The following DERA variants were observed in gnomAD, a reference collection of about 807,000 sequenced individuals.
The protein encoded by DERA is 2-deoxy-D-ribose 5-phosphate aldolase.
A neutral mutation model predicts 41.1 loss-of-function variants in DERA; 15 were observed. The ratio of observed to expected loss-of-function variants is 0.37; its 90% CI spans 0.24 to 0.56. The LOEUF (loss-of-function observed/expected upper bound fraction) is 0.56. Among genes scored for constraint, DERA ranks in the 20% least tolerant of loss-of-function variants. DERA has a pLI of 0.81. For synonymous variants in DERA, 139 were observed against 137.4 expected, an observed-to-expected ratio of 1.01 and a Z score of -0.08; for missense variants, 396 against 403.4, an observed-to-expected ratio of 0.98 and a Z score of 0.16.
In DERA at chr12:15,990,302, A is replaced by T. The variant is rs1472820386; in HGVS notation, c.637+7866A>T. ...ATTGTTCAATGAATCTTATATTTGA[A>T]CTTACTTTGCTAACACTTGCCTCTG... On this transcript the variant is annotated intron_variant, in intron 6 of 8. Coordinates refer to ENST00000428559, the MANE Select transcript of DERA (RefSeq NM_015954.4). This position sits in a 1 kb window ranked among gnomAD's most constrained non-coding sequence, Gnocchi z 4.3. Among the ~76,000 whole-genome samples, 2 of 152,204 alleles carry T rather than the reference A, an allele frequency of 1.3e-5. No individual in the cohort carries two copies. The highest frequency in any genetic ancestry group is 3.9e-4 in the East Asian group (2 of 5,188).
At chr12:15,947,466 C>T (rs1038581983) in intron 1 of DERA, among the ~76,000 whole-genome samples, 6 of 152,150 alleles carry the variant, frequency 3.9e-5, no homozygotes, top group African/African-American at 1.4e-4. Flanking sequence ...ATCTAATGGC[C>T]TTCTTTGTCT....
In DERA at chr12:15,996,281, C is replaced by T. The variant is rs375178666; in HGVS notation, c.637+13845C>T. Among the ~76,000 whole-genome samples the T allele has an allele frequency of 2.0e-5, 3 of 151,976 alleles. No individual in the cohort carries two copies. Among genetic ancestry groups the T allele is most frequent in the Non-Finnish European group, 2.9e-5 (2 of 67,952 alleles). ...GAGGAGTGTATTAGTTTCTTGGGCT[C>T]GCTGTAACAGAGTACCGCAAATTAG... On this transcript the variant is annotated intron_variant, in intron 6 of 8. Transcript: ENST00000428559. The surrounding 1 kb of genome is among the most constrained non-coding windows in gnomAD (Gnocchi z 4.7).
At chr12:15,926,889 C>T (rs937893403) in intron 1 of DERA, among the ~76,000 whole-genome samples, 2 of 152,080 alleles carry the variant, frequency 1.3e-5, no homozygotes, top group Non-Finnish European at 2.9e-5. Flanking sequence ...TTATATGTAA[C>T]GAATTAACTC....
Position 15,992,037 on chromosome 12 carries a change from A to G in DERA, c.637+9601A>G, listed in dbSNP as rs1432520154. On this transcript the variant is annotated intron_variant, in intron 6 of 8. Coordinates refer to ENST00000428559, the MANE Select transcript of DERA (RefSeq NM_015954.4). This position sits in a 1 kb window ranked among gnomAD's most constrained non-coding sequence, Gnocchi z 4.3. ...TGCAAATACCAGTAGCATTTGTAAC[A>G]TAGTATCAGCATCAACTGTTTTACC... Among the ~76,000 whole-genome samples, 1 of 151,840 alleles carries G rather than the reference A, an allele frequency of 6.6e-6. No individual in the cohort carries two copies. The highest frequency in any genetic ancestry group is 1.5e-5 in the Non-Finnish European group (1 of 67,956).
chr12:15,936,875 C>CT lies in DERA; in HGVS notation c.32-20059dup, dbSNP rs1948368445. 7.1e-6 allele frequency among the ~76,000 whole-genome samples: 1 copy of CT among 140,704 alleles called. No individual in the cohort carries two copies. Among genetic ancestry groups the CT allele is most frequent in the African/African-American group, 2.9e-5 (1 of 34,724 alleles). 92.3% of individuals were successfully genotyped at this position (140,704 alleles called of 152,430 possible). ...GTTGTCTTGTCTTGTCTTGTCTTGT[C>CT]TTGTCTTGTCTTGTCCTGTCCTGTC... is the stretch of plus-strand genomic sequence containing the variant. On this transcript the variant is annotated intron_variant, in intron 1 of 8. Transcript: ENST00000428559. This position sits in a 1 kb window ranked among gnomAD's most constrained non-coding sequence, Gnocchi z 4.6.
At chr12:15,932,440 A>G (rs1018620458) in intron 1 of DERA, among the ~76,000 whole-genome samples, 44 of 152,136 alleles carry the variant, frequency 2.9e-4, no homozygotes, top group African/African-American at 1.0e-3. Flanking sequence ...ACTTGAGTCC[A>G]GGAGTTTGAG....
chr12:15,948,651 C>A (rs1031201155), intron 1 of DERA, among the ~76,000 whole-genome samples: 3 of 152,202 alleles, frequency 2.0e-5, no homozygotes, highest in African/African-American at 7.2e-5. Flanking sequence ...CGAACTTCCT[C>A]TTTTAGCTCG....
Position 15,957,875 on chromosome 12 carries a change from C to T in DERA, c.130-313C>T, listed in dbSNP as rs1338894553. ...TTTGTCAGGGTGGCTCTGATGGGCT[C>T]TCCCTTTGGCTGAGATGGAGTAGTC... is the stretch of plus-strand genomic sequence containing the variant. On this transcript the variant is annotated intron_variant, in intron 2 of 8. Coordinates refer to ENST00000428559, the MANE Select transcript of DERA (RefSeq NM_015954.4). This position sits in a 1 kb window ranked among gnomAD's most constrained non-coding sequence, Gnocchi z 4.8. 6.6e-6 allele frequency among the ~76,000 whole-genome samples: 1 copy of T among 152,132 alleles called. No individual in the cohort carries two copies. The highest frequency in any genetic ancestry group is 1.5e-5 in the Non-Finnish European group (1 of 68,034).
chr12:15,962,940 G>A lies in DERA; in HGVS notation c.501G>A (p.Gln167=). ...ACAGAAGCTTGGTGCTGACAGGCCAGTGGGAAGGTAGGTGCATGCTTTTAC... is the reference window on the plus strand; with the variant it reads ...ACAGAAGCTTGGTGCTGACAGGCCAATGGGAAGGTAGGTGCATGCTTTTAC... ...VINRSLVLTG[Q]WEALYDEIRQ... The change falls in exon 5 of 9, where the codon CAG becomes CAA. Residue 167 remains glutamine, a synonymous_variant. Coordinates refer to ENST00000428559, the MANE Select transcript of DERA (RefSeq NM_015954.4). The A allele has an allele frequency of 1.9e-6, 3 of 1,606,368 alleles. No individual in the cohort carries two copies. Among genetic ancestry groups the A allele is most frequent in the Non-Finnish European group, 2.5e-6 (3 of 1,176,492 alleles).
chr12:15,975,617 C>T (rs1948691874), intron 5 of DERA, among the ~76,000 whole-genome samples: 1 of 152,182 alleles, frequency 6.6e-6, no homozygotes, highest in Non-Finnish European at 1.5e-5. Context: ...AAACTAAGTT[C>T]CTCCCAAAAT....
Position 15,990,648 on chromosome 12 carries a change from T to G in DERA, c.637+8212T>G, listed in dbSNP as rs1948795651. On this transcript the variant is annotated intron_variant, in intron 6 of 8. Coordinates refer to ENST00000428559, the MANE Select transcript of DERA (RefSeq NM_015954.4). The surrounding 1 kb of genome is among the most constrained non-coding windows in gnomAD (Gnocchi z 4.3). ...CCCCAGTGTCTGTTATTCTCCTTGA[T>G]GTGTCTATGTGTTGTCATCATTTAG... Among the ~76,000 whole-genome samples, 1 of 152,158 alleles carries G rather than the reference T, an allele frequency of 6.6e-6. No individual in the cohort carries two copies. The highest frequency in any genetic ancestry group is 2.4e-5 in the African/African-American group (1 of 41,446).
At chr12:16,023,972 C>G (rs1949036818) in intron 6 of DERA, among the ~76,000 whole-genome samples, 1 of 152,032 alleles carries the variant, frequency 6.6e-6, no homozygotes, top group Non-Finnish European at 1.5e-5. Flanking sequence ...AAAGGAAATG[C>G]TAGAAATCAG....
In DERA at chr12:15,911,532, G is replaced by C; in HGVS notation, c.31+118G>C. The C allele has an allele frequency of 9.3e-7, 1 of 1,072,964 alleles. No individual in the cohort carries two copies. Among genetic ancestry groups the C allele is most frequent in the Non-Finnish European group, 1.3e-6 (1 of 767,560 alleles). 66.5% of individuals were successfully genotyped at this position (1,072,964 alleles called of 1,614,324 possible). A position where few individuals can be genotyped will look rare whatever the true frequency, so the allele number is the denominator to read the frequency against. Reference sequence around the variant, plus strand: ...GTGGGTCCCCGAGGGGTTTTCGCTGGGGCGGGAAGCAGTGGCGTCTGGTCA... The same window carrying C: ...GTGGGTCCCCGAGGGGTTTTCGCTGCGGCGGGAAGCAGTGGCGTCTGGTCA... On this transcript the variant is annotated intron_variant, in intron 1 of 8. Transcript: ENST00000428559. The surrounding 1 kb of genome is among the most constrained non-coding windows in gnomAD (Gnocchi z 4.5).
rs1044302082 is a variant in DERA at position 16,035,069 on chromosome 12, T to G, written c.751-1163T>G. ...GAGGCAGGGAAACCAGTTAAAAGAC[T>G]TTTACTGATATTTCCTGTGAGAATT... On this transcript the variant is annotated intron_variant, in intron 7 of 8. Coordinates refer to ENST00000428559, the MANE Select transcript of DERA (RefSeq NM_015954.4). The surrounding 1 kb of genome is among the most constrained non-coding windows in gnomAD (Gnocchi z 4.1). 1.3e-5 allele frequency among the ~76,000 whole-genome samples: 2 copies of G among 152,202 alleles called. No homozygotes were observed. The highest frequency in any genetic ancestry group is 4.8e-5 in the African/African-American group (2 of 41,454).
Position 15,957,335 on chromosome 12 carries a change from A to G in DERA, c.129+302A>G, listed in dbSNP as rs1222198124. On this transcript the variant is annotated intron_variant, in intron 2 of 8. Transcript: ENST00000428559. This position sits in a 1 kb window ranked among gnomAD's most constrained non-coding sequence, Gnocchi z 4.8. ...AACACATTTATTCAGTTTTTTAGACATGCCTTCTTTGGTTGTCTTCTGTTT... is the reference window on the plus strand; with the variant it reads ...AACACATTTATTCAGTTTTTTAGACGTGCCTTCTTTGGTTGTCTTCTGTTT... Among the ~76,000 whole-genome samples the G allele has an allele frequency of 6.6e-6, 1 of 152,222 alleles. No individual in the cohort carries two copies. Among genetic ancestry groups the G allele is most frequent in the Non-Finnish European group, 1.5e-5 (1 of 68,036 alleles).
In DERA at chr12:15,994,691, G is replaced by C. The variant is rs755400627; in HGVS notation, c.637+12255G>C. ...CATGGTCTCGATCTCCTGACCTCGC[G>C]ATCCACCCACCTCGGCCTCCCAAAG... On this transcript the variant is annotated intron_variant, in intron 6 of 8. Transcript: ENST00000428559. The surrounding 1 kb of genome is among the most constrained non-coding windows in gnomAD (Gnocchi z 4.8). Among the ~76,000 whole-genome samples, 1 of 152,128 alleles carries C rather than the reference G, an allele frequency of 6.6e-6. No homozygotes were observed. Among genetic ancestry groups the C allele is most frequent in the South Asian group, 2.1e-4 (1 of 4,828 alleles).
At chr12:15,968,670 A>C (rs181533415) in intron 5 of DERA, among the ~76,000 whole-genome samples, 1 of 152,224 alleles carries the variant, frequency 6.6e-6, no homozygotes, top group African/African-American at 2.4e-5. Context: ...TGTTCCTTCT[A>C]TGTAAAGTGG....
chr12:15,968,432 C>T, intron 5 of DERA, among the ~76,000 whole-genome samples: 1 of 152,180 alleles, frequency 6.6e-6, no homozygotes, highest in East Asian at 1.9e-4. Context: ...GCTGTGCTCT[C>T]TGATAAAGAT....
intron 6 of DERA, among the ~76,000 whole-genome samples, chr12:16,025,480 G>A (rs1271716096): frequency 6.6e-6 from 1 of 152,032 alleles, no homozygotes; most frequent in Non-Finnish European, 1.5e-5. Flanking sequence ...TAATGATGAG[G>A]GGGTCATTTC....
Sources: gnomAD v4.1 joint callset for allele counts (sites outside exome capture counted in the v4.1 genomes callset) on GRCh38, gnomAD v4.1.1 for gene constraint, Gnocchi (gnomAD v3.1) non-coding constraint, MANE v1.5 for transcripts, NCBI Gene and HGNC (gene_info 2026-07-23, HGNC 2026-07-21) for gene names.